Variants in CCBE1 observed in about 807,000 individuals in gnomAD.
CCBE1 encodes collagen and calcium binding EGF domains 1.
Under a neutral mutation model 50.0 loss-of-function variants are expected in CCBE1, and 37 were observed. The ratio of observed to expected loss-of-function variants is 0.74; its 90% CI spans 0.57 to 0.97. CCBE1 has a LOEUF of 0.97. Among genes scored for constraint, CCBE1 ranks in the 50% least tolerant of loss-of-function variants. The probability of loss-of-function intolerance (pLI) is 0.00; values close to 1 mark genes in which losing one functional copy is unlikely to be tolerated. For synonymous variants in CCBE1, 234 were observed against 203.7 expected (o/e 1.15, Z -1.27); for missense variants, 538 against 523.8 (o/e 1.03, Z -0.26).
At chr18:59,537,237 G>A (rs933384556) in intron 2 of CCBE1, among the ~76,000 whole-genome samples, 3 of 151,992 alleles carry the variant, frequency 2.0e-5, no homozygotes, top group South Asian at 4.2e-4. Flanking sequence ...TTCTGGAGTC[G>A]TCTATCATAT....
At chr18:59,606,612 A>T (rs2053502471) in intron 2 of CCBE1, among the ~76,000 whole-genome samples, 1 of 152,172 alleles carries the variant, frequency 6.6e-6, no homozygotes, top group African/African-American at 2.4e-5. Context: ...GGGTGACATA[A>T]ACAAACCTTG....
At chr18:59,648,119 C>A (rs1042482239) in intron 2 of CCBE1, among the ~76,000 whole-genome samples, 1 of 152,194 alleles carries the variant, frequency 6.6e-6, no homozygotes, top group African/African-American at 2.4e-5. Context: ...TCAGGTCTCC[C>A]CATAAAACAC....
chr18:59,643,038 G>C (rs2054011290), intron 2 of CCBE1, among the ~76,000 whole-genome samples: 3 of 151,944 alleles, frequency 2.0e-5, no homozygotes, highest in Admixed American at 2.0e-4. Context: ...TAGGCAAATG[G>C]TTGTTTTAAA....
rs185448408 is a variant in CCBE1 at position 59,683,631 on chromosome 18, G to A, written c.212+12998C>T. ...GAGAATTGCTTGAACCCAGGAGGTG[G>A]AGATTGCTGTGAGCCAAGATTGCAT... On this transcript the variant is annotated intron_variant, in intron 2 of 10. Coordinates refer to ENST00000439986, the MANE Select transcript of CCBE1 (RefSeq NM_133459.4). Among the ~76,000 whole-genome samples the A allele has an allele frequency of 1.4e-3, 219 of 152,262 alleles. 2 individuals are homozygous for A. The highest frequency in any genetic ancestry group is 5.1e-3 in the African/African-American group (210 of 41,534).
chr18:59,682,501 A>G (rs897934244), intron 2 of CCBE1, among the ~76,000 whole-genome samples: 1 of 151,566 alleles, frequency 6.6e-6, no homozygotes, highest in Non-Finnish European at 1.5e-5. Flanking sequence ...TGAAACAGAG[A>G]CCCCCCCCTT....
At chr18:59,690,166 G>A (rs956465326) in intron 2 of CCBE1, among the ~76,000 whole-genome samples, 24 of 152,192 alleles carry the variant, frequency 1.6e-4, no homozygotes, top group African/African-American at 5.8e-4. Flanking sequence ...GTCTAGAACA[G>A]TGCCTGGCAG....
At chr18:59,684,363 C>T (rs1198407706) in intron 2 of CCBE1, among the ~76,000 whole-genome samples, 4 of 152,118 alleles carry the variant, frequency 2.6e-5, no homozygotes, top group Admixed American at 1.3e-4. Context: ...GCACAAGAAT[C>T]GCTTGAACCT....
chr18:59,657,360 T>C (rs2054204463), intron 2 of CCBE1, among the ~76,000 whole-genome samples: 2 of 152,078 alleles, frequency 1.3e-5, no homozygotes, highest in African/African-American at 4.8e-5. Flanking sequence ...AATTACACAC[T>C]TAAAGGGAGA....
intron 2 of CCBE1, among the ~76,000 whole-genome samples, chr18:59,654,034 A>G (rs1435017249): frequency 6.6e-6 from 1 of 152,242 alleles, no homozygotes; most frequent in Non-Finnish European, 1.5e-5. Flanking sequence ...GCATCATTCA[A>G]TGTTTTAAAA....
intron 3 of CCBE1, among the ~76,000 whole-genome samples, chr18:59,475,960 C>T (rs1311200797): frequency 6.6e-6 from 1 of 152,220 alleles, no homozygotes; most frequent in Non-Finnish European, 1.5e-5. Context: ...CTCAGGTGAT[C>T]CGCCCGCCTT....
intron 2 of CCBE1, among the ~76,000 whole-genome samples, chr18:59,673,970 G>A (rs1184746822): frequency 2.6e-5 from 4 of 152,286 alleles, no homozygotes; most frequent in Non-Finnish European, 5.9e-5. Context: ...ATGAGTTAGA[G>A]GGGAGTCCCT....
intron 2 of CCBE1, among the ~76,000 whole-genome samples, chr18:59,503,539 A>G (rs1913727048): frequency 6.6e-6 from 1 of 152,120 alleles, no homozygotes; most frequent in Non-Finnish European, 1.5e-5. Context: ...ACACTTGGAA[A>G]TGTTTCCAGT....
At chr18:59,442,345 T>A (rs1260138355) in intron 7 of CCBE1, among the ~76,000 whole-genome samples, 1 of 152,258 alleles carries the variant, frequency 6.6e-6, no homozygotes, top group African/African-American at 2.4e-5. Context: ...ATATCTATAG[T>A]ATAATGTGTG....
intron 7 of CCBE1, among the ~76,000 whole-genome samples, chr18:59,444,762 G>T (rs1169933887): frequency 6.6e-6 from 1 of 151,984 alleles, no homozygotes; most frequent in African/African-American, 2.4e-5. Context: ...GTGTGGGATG[G>T]CATCTCACTG....
chr18:59,498,589 A>T (rs1427215345), intron 2 of CCBE1, among the ~76,000 whole-genome samples: 1 of 152,214 alleles, frequency 6.6e-6, no homozygotes, highest in Non-Finnish European at 1.5e-5. Flanking sequence ...AACCATCTGT[A>T]CCAGACAGAG....
chr18:59,552,332 C>T (rs938745923), intron 2 of CCBE1, among the ~76,000 whole-genome samples: 2 of 152,170 alleles, frequency 1.3e-5, no homozygotes, highest in African/African-American at 4.8e-5. Context: ...GATGTTCACG[C>T]CTTTGTGTAT....
At chr18:59,657,658 A>G (rs2054208981) in intron 2 of CCBE1, among the ~76,000 whole-genome samples, 1 of 152,204 alleles carries the variant, frequency 6.6e-6, no homozygotes, top group African/African-American at 2.4e-5. Context: ...TTGGGATCTG[A>G]GGCGGACAGA....
At chr18:59,661,975 A>AAG (rs2054292275) in intron 2 of CCBE1, among the ~76,000 whole-genome samples, 1 of 150,216 alleles carries the variant, frequency 6.7e-6, no homozygotes, top group Non-Finnish European at 1.5e-5. Context: ...TTAAAAAAAA[A>AAG]AAATCACTGA....
chr18:59,696,866 C>T (rs192391759), intron 1 of CCBE1, among the ~76,000 whole-genome samples, 157 bp from the exon 2 acceptor site: 24 of 152,276 alleles, frequency 1.6e-4, no homozygotes, highest in African/African-American at 5.5e-4. Flanking sequence ...GGGCAGACTC[C>T]GGCCACAGGG....
Sources: allele counts gnomAD v4.1 joint callset (sites outside exome capture counted in the v4.1 genomes callset), GRCh38; gene constraint gnomAD v4.1.1; transcripts MANE v1.5; gene names NCBI Gene and HGNC (gene_info 2026-07-23, HGNC 2026-07-21).